TMEM132C: variants seen among roughly 807,000 people sequenced by gnomAD.
TMEM132C encodes transmembrane protein 132C.
Under a neutral mutation model 61.4 loss-of-function variants are expected in TMEM132C, and 29 were observed. That is an observed-to-expected ratio of 0.47 (90% confidence interval 0.35 to 0.64). TMEM132C has a LOEUF of 0.64. Among genes scored for constraint, TMEM132C ranks in the 30% least tolerant of loss-of-function variants. TMEM132C has a pLI of 0.00. For missense variants in TMEM132C, 1,408 were observed against 1,476.9 expected (o/e 0.95, Z 0.76); for synonymous variants, 656 against 633.1 (o/e 1.04, Z -0.54).
intron 1 of TMEM132C, among the ~76,000 whole-genome samples, chr12:128,271,561 CAA>C (rs1382005862): frequency 6.6e-6 from 1 of 152,158 alleles, no homozygotes; most frequent in Non-Finnish European, 1.5e-5. Flanking sequence ...CAACTTCTCT[CAA>C]AAGTGTCGAG....
At chr12:128,544,180 C>G in intron 3 of TMEM132C, 77 bp downstream of exon 3, 1 of 1,434,148 alleles carries the variant, frequency 7.0e-7, no homozygotes, top group Non-Finnish European at 9.2e-7. Context: ...AGAGCCTTGA[C>G]TTGGACTCGC....
intron 2 of TMEM132C, among the ~76,000 whole-genome samples, chr12:128,431,932 T>G (rs1055020620): frequency 2.0e-5 from 3 of 152,140 alleles, no homozygotes; most frequent in Admixed American, 1.3e-4. Context: ...GCTGGTGACT[T>G]TCAGTTGCTC....
At chr12:128,302,862 C>T (rs1182057333) in intron 1 of TMEM132C, among the ~76,000 whole-genome samples, 2 of 152,306 alleles carry the variant, frequency 1.3e-5, no homozygotes, top group Non-Finnish European at 2.9e-5. Flanking sequence ...TCAAGAGGGT[C>T]TTTTTAAACC....
intron 4 of TMEM132C, among the ~76,000 whole-genome samples, chr12:128,639,239 ATGG>A (rs1465610010): frequency 6.7e-6 from 1 of 148,764 alleles, no homozygotes; most frequent in Non-Finnish European, 1.5e-5. Context: ...GGTGATGATG[ATGG>A]TGATAATGAT....
In TMEM132C at chr12:128,529,105, C is replaced by T. The variant is rs187048037; in HGVS notation, c.975-14852C>T. On this transcript the variant is annotated intron_variant, in intron 2 of 8. Transcript: ENST00000435159. ...ACTCACTTATAATTATAACACTGTT[C>T]ATCTCAGAAATGTTTTAATATAAAA... Among the ~76,000 whole-genome samples, 773 of 152,028 alleles carry T rather than the reference C, an allele frequency of 5.1e-3. 4 individuals carry two copies. The highest frequency in any genetic ancestry group is 8.8e-3 in the Non-Finnish European group (597 of 67,976).
At chr12:128,636,564 T>TGTGTGTGTG (rs1565998396) in intron 4 of TMEM132C, among the ~76,000 whole-genome samples, 113 of 142,348 alleles carry the variant, frequency 7.9e-4, no homozygotes, top group African/African-American at 2.8e-3. Context: ...GGGTTTTTGT[T>TGTGTGTGTG]TGTGTGTGTG....
At chr12:128,577,217 A>G (rs568080484) in intron 3 of TMEM132C, among the ~76,000 whole-genome samples, 17 of 152,266 alleles carry the variant, frequency 1.1e-4, no homozygotes, top group Admixed American at 5.2e-4. Flanking sequence ...ACTTAGCATC[A>G]TGTTTTCATG....
intron 1 of TMEM132C, among the ~76,000 whole-genome samples, chr12:128,360,290 A>T (rs537755184): frequency 6.6e-6 from 1 of 151,454 alleles, no homozygotes; most frequent in Admixed American, 6.6e-5. Context: ...ACCCCAGGAT[A>T]ACAGAGAGAG....
intron 1 of TMEM132C, among the ~76,000 whole-genome samples, chr12:128,340,763 CTT>C (rs1872930750): frequency 1.4e-5 from 2 of 145,320 alleles, no homozygotes; most frequent in African/African-American, 5.1e-5. Flanking sequence ...TTCTTTCTTT[CTT>C]TCTATTTTTC....
intron 4 of TMEM132C, among the ~76,000 whole-genome samples, chr12:128,622,609 C>T (rs1953979294): frequency 6.6e-6 from 1 of 151,632 alleles, no homozygotes; most frequent in South Asian, 2.1e-4. Flanking sequence ...CATGGCACTG[C>T]AGAGATGCTA....
At chr12:128,695,700 C>A in intron 6 of TMEM132C, 130 bp from the exon 7 acceptor site, 1 of 937,530 alleles carries the variant, frequency 1.1e-6, no homozygotes, top group Non-Finnish European at 1.5e-6. Flanking sequence ...AGGCTTGGTG[C>A]CCCTTGCATG....
intron 2 of TMEM132C, among the ~76,000 whole-genome samples, chr12:128,443,141 T>TGAGAGA (rs375633151): frequency 2.7e-5 from 4 of 148,482 alleles, no homozygotes; most frequent in African/African-American, 9.9e-5. Context: ...ATATATATAT[T>TGAGAGA]GAGAGAGAGA....
intron 2 of TMEM132C, among the ~76,000 whole-genome samples, chr12:128,449,069 A>G (rs963516004): frequency 1.4e-5 from 2 of 146,286 alleles, no homozygotes; most frequent in Admixed American, 7.0e-5. Context: ...CCCGGGAGGC[A>G]GAGCTTGCAG....
chr12:128,314,722 C>T (rs528933706), intron 1 of TMEM132C, among the ~76,000 whole-genome samples: 80 of 152,264 alleles, frequency 5.3e-4, no homozygotes, highest in Non-Finnish European at 9.4e-4. Flanking sequence ...CTGCCGGCGG[C>T]CACCAGAAGC....
intron 1 of TMEM132C, among the ~76,000 whole-genome samples, chr12:128,345,196 G>A: frequency 6.6e-6 from 1 of 152,056 alleles, no homozygotes; most frequent in East Asian, 1.9e-4. Context: ...TAAGGATAAT[G>A]GCCTCTAGCT....
chr12:128,705,871 C>G lies in TMEM132C; in HGVS notation c.2903C>G (p.Ser968Cys). 1 of 1,551,688 alleles carries G rather than the reference C, an allele frequency of 6.4e-7. No individual in the cohort carries two copies. Among genetic ancestry groups the G allele is most frequent in the Non-Finnish European group, 8.7e-7 (1 of 1,147,024 alleles). The part of the protein sequence containing the change: ...PLEGQASMTH[S>C]HDWVWLGNEA... ...GAAGGTCAGGCCTCCATGACCCACT[C>G]TCACGACTGGGTGTGGCTTGGCAAT... Residue 968 changes from serine to cysteine, a missense_variant, in exon 9 of 9, where the codon TCT (serine) becomes TGT (cysteine). By Grantham distance (112) the Ser-to-Cys change is moderately radical. Coordinates refer to ENST00000435159, the MANE Select transcript of TMEM132C (RefSeq NM_001136103.3).
intron 1 of TMEM132C, among the ~76,000 whole-genome samples, chr12:128,390,526 C>T (rs1190177121): frequency 6.6e-6 from 1 of 152,186 alleles, no homozygotes; most frequent in African/African-American, 2.4e-5. Context: ...CACCCAGTCA[C>T]TCTGGATGAT....
chr12:128,345,892 T>A (rs577939581), intron 1 of TMEM132C, among the ~76,000 whole-genome samples: 1 of 152,204 alleles, frequency 6.6e-6, no homozygotes, highest in Admixed American at 6.5e-5. Flanking sequence ...TTAATTTAAT[T>A]AGATCCCATT....
chr12:128,616,827 G>A (rs1339237281), intron 4 of TMEM132C, among the ~76,000 whole-genome samples: 2 of 152,146 alleles, frequency 1.3e-5, no homozygotes, highest in East Asian at 3.8e-4. Context: ...GTGACAATGG[G>A]CTTGAGTAGT....
Sources: allele counts gnomAD v4.1 joint callset (sites outside exome capture counted in the v4.1 genomes callset), GRCh38; gene constraint gnomAD v4.1.1; transcripts MANE v1.5; gene names NCBI Gene and HGNC (gene_info 2026-07-23, HGNC 2026-07-21).